The following RIMS2 variants were observed in gnomAD, a reference collection of about 807,000 sequenced individuals.
The protein encoded by RIMS2 is regulating synaptic membrane exocytosis protein 2.
Under a neutral mutation model 174.4 loss-of-function variants are expected in RIMS2, and 59 were observed. The ratio of observed to expected loss-of-function variants is 0.34; its 90% confidence interval spans 0.27 to 0.42. The LOEUF (loss-of-function observed/expected upper bound fraction) is 0.42. RIMS2 is among the 10% of genes least tolerant of loss of function. RIMS2 has a pLI of 1.00. For synonymous variants in RIMS2, 606 were observed against 572.5 expected (o/e 1.06, Z -0.84); for missense variants, 1,620 against 1,666.3 (o/e 0.97, Z 0.48).
chr8:103,607,021 T>C lies in RIMS2; in HGVS notation c.177-90065T>C, dbSNP rs553898838. ...TTTACATTTAAAGTTAATATTGTTA[T>C]GTGTGAATCTGATCTTGTCGTTATG... On this transcript the variant is annotated intron_variant, in intron 1 of 23. Transcript: ENST00000504942. Among the ~76,000 whole-genome samples the C allele has an allele frequency of 7.2e-5, 11 of 152,232 alleles. No homozygotes were observed. The East Asian group carries it at 2.1e-3, about 29-fold the overall frequency.
chr8:103,707,287 A>T (rs918589828), intron 2 of RIMS2, among the ~76,000 whole-genome samples: 3 of 152,190 alleles, frequency 2.0e-5, no homozygotes, highest in Non-Finnish European at 4.4e-5. Context: ...CTTATTTAGT[A>T]AATTTGGTGA....
intron 1 of RIMS2, among the ~76,000 whole-genome samples, chr8:103,690,588 A>C (rs1015738025): frequency 1.3e-5 from 2 of 152,202 alleles, no homozygotes; most frequent in African/African-American, 4.8e-5. Flanking sequence ...TAATAAAAAT[A>C]CTACACTTAA....
chr8:103,727,539 C>A (rs2097540300), intron 2 of RIMS2, among the ~76,000 whole-genome samples: 1 of 150,770 alleles, frequency 6.6e-6, no homozygotes, highest in African/African-American at 2.4e-5. Flanking sequence ...CTCAAGAAAT[C>A]TTTGCCCAGA....
chr8:104,083,095 CAGG>C (rs763813244), intron 19 of RIMS2, among the ~76,000 whole-genome samples: 43 of 152,270 alleles, frequency 2.8e-4, no homozygotes, highest in Non-Finnish European at 5.4e-4. Flanking sequence ...ACACAGGGAA[CAGG>C]AGTAGTGGGC....
chr8:103,753,902 C>A (rs1346252431), intron 2 of RIMS2, among the ~76,000 whole-genome samples: 2 of 151,844 alleles, frequency 1.3e-5, no homozygotes, highest in African/African-American at 4.8e-5. Context: ...CTGATTTTTT[C>A]AAGGGTTTTT....
chr8:103,711,376 C>G (rs2097301315), intron 2 of RIMS2, among the ~76,000 whole-genome samples: 1 of 152,080 alleles, frequency 6.6e-6, no homozygotes, highest in African/African-American at 2.4e-5. Flanking sequence ...TGGCAAGATT[C>G]TATTGCCTCT....
intron 19 of RIMS2, among the ~76,000 whole-genome samples, chr8:104,106,861 T>C (rs989710998): frequency 1.3e-5 from 2 of 152,208 alleles, no homozygotes; most frequent in African/African-American, 4.8e-5. Context: ...TCGAATTTTA[T>C]AGATATAGTA....
chr8:103,767,610 G>T (rs1417695630), intron 3 of RIMS2, among the ~76,000 whole-genome samples: 2 of 152,166 alleles, frequency 1.3e-5, no homozygotes, highest in African/African-American at 4.8e-5. Flanking sequence ...ATGCATTCCT[G>T]CAGAAACAAA....
At position 103,839,856 on chromosome 8, in the gene RIMS2, G is replaced by T. The variant is rs533939466; in HGVS notation, c.699-45442G>T. On this transcript the variant is annotated intron_variant, in intron 3 of 23. Coordinates refer to ENST00000504942, the Ensembl canonical transcript of RIMS2. ...AAAGAAGTTTCTATGAATATGTAGCGCAAAACAAAAACAAAAACAAAAACA... is the reference window on the plus strand; with the variant it reads ...AAAGAAGTTTCTATGAATATGTAGCTCAAAACAAAAACAAAAACAAAAACA... 9.2e-5 allele frequency among the ~76,000 whole-genome samples: 14 copies of T among 152,154 alleles called. No homozygotes were observed. The East Asian group carries it at 2.5e-3, about 27-fold the overall frequency.
At chr8:104,229,419 T>A (rs1005506512) in intron 19 of RIMS2, among the ~76,000 whole-genome samples, 1 of 152,136 alleles carries the variant, frequency 6.6e-6, no homozygotes, top group African/African-American at 2.4e-5. Context: ...ATAGTATCAT[T>A]CTAGTTTGGA....
chr8:104,183,709 A>G (rs1044300822), intron 19 of RIMS2, among the ~76,000 whole-genome samples: 2 of 151,650 alleles, frequency 1.3e-5, no homozygotes, highest in African/African-American at 4.8e-5. Flanking sequence ...AGCTCATCAG[A>G]GTATAAAATA....
intron 17 of RIMS2, 137 bp downstream of exon 19, chr8:103,989,558 T>C: frequency 1.8e-6 from 1 of 541,696 alleles, no homozygotes; most frequent in Non-Finnish European, 3.2e-6. Flanking sequence ...ACGCTTACAT[T>C]ATTTCTTATG....
At chr8:103,856,238 G>C (rs1324473026) in intron 3 of RIMS2, among the ~76,000 whole-genome samples, 1 of 152,092 alleles carries the variant, frequency 6.6e-6, no homozygotes, top group Non-Finnish European at 1.5e-5. Flanking sequence ...CCATTTGGGT[G>C]GTAAATCTTA....
At chr8:103,658,208 C>T (rs1021925165) in intron 1 of RIMS2, among the ~76,000 whole-genome samples, 1 of 152,086 alleles carries the variant, frequency 6.6e-6, no homozygotes, top group Admixed American at 6.5e-5. Flanking sequence ...ACTTTCAATG[C>T]CAAAACTGCA....
chr8:103,938,387 T>A (rs192279629), intron 13 of RIMS2, among the ~76,000 whole-genome samples: 56 of 152,146 alleles, frequency 3.7e-4, no homozygotes, highest in Middle Eastern at 3.4e-3. Flanking sequence ...AACTCCTCTT[T>A]ATAAAACCAT....
intron 19 of RIMS2, among the ~76,000 whole-genome samples, chr8:104,043,607 G>T (rs767119373): frequency 9.2e-5 from 14 of 151,594 alleles, no homozygotes; most frequent in Non-Finnish European, 1.8e-4. Context: ...GGGAGATAAG[G>T]TCTCAATGAT....
chr8:104,119,612 T>C (rs1158670927), intron 19 of RIMS2, among the ~76,000 whole-genome samples: 1 of 152,240 alleles, frequency 6.6e-6, no homozygotes, highest in Non-Finnish European at 1.5e-5. Flanking sequence ...TACTTTTGTT[T>C]ACTTTTAAAT....
chr8:103,619,227 C>T (rs1195723177), intron 1 of RIMS2, among the ~76,000 whole-genome samples: 1 of 151,242 alleles, frequency 6.6e-6, no homozygotes, highest in Non-Finnish European at 1.5e-5. Flanking sequence ...AGAAAAGTAT[C>T]TTAGTAAAAT....
At chr8:103,936,456 A>G (rs1317399341) in intron 12 of RIMS2, 95 bp from the exon 15 acceptor site, 2 of 698,216 alleles carry the variant, frequency 2.9e-6, no homozygotes, top group Non-Finnish European at 4.5e-6. Context: ...GTAAAACTTC[A>G]CCTGACTTGT....
Sources: allele counts gnomAD v4.1 joint callset (sites outside exome capture counted in the v4.1 genomes callset), GRCh38; gene constraint gnomAD v4.1.1; transcripts MANE v1.5; gene names NCBI Gene and HGNC (gene_info 2026-07-23, HGNC 2026-07-21).